RAPGEF1: variants seen among roughly 807,000 people sequenced by gnomAD.
RAPGEF1 encodes the protein CRK SH3-binding GNRP.
Under a neutral mutation model 143.3 loss-of-function variants are expected in RAPGEF1, and 33 were observed. The ratio of observed to expected loss-of-function variants is 0.23; its 90% CI spans 0.17 to 0.31. The LOEUF (loss-of-function observed/expected upper bound fraction) is 0.31, where lower values mean the gene tolerates loss of function less well. Among genes scored for constraint, RAPGEF1 ranks in the 10% least tolerant of loss-of-function variants. The pLI, the probability that RAPGEF1 is intolerant of heterozygous loss-of-function variation, is 1.00. For missense variants in RAPGEF1, 1,199 were observed against 1,645.4 expected (o/e 0.73, Z 4.69); for synonymous variants, 629 against 676.5 (o/e 0.93, Z 1.09).
At chr9:131,702,300 C>T (rs1420102216) in intron 1 of RAPGEF1, among the ~76,000 whole-genome samples, 1 of 152,158 alleles carries the variant, frequency 6.6e-6, no homozygotes, top group Non-Finnish European at 1.5e-5. Context: ...AGGCAGAAGA[C>T]AAAAAGTTGT....
At chr9:131,709,722 C>T (rs767692578) in intron 1 of RAPGEF1, 10 of 1,613,196 alleles carry the variant, frequency 6.2e-6, no homozygotes, top group Admixed American at 5.0e-5. Context: ...CCAGCCCCAG[C>T]GTCTTTCCGG....
intron 1 of RAPGEF1, among the ~76,000 whole-genome samples, chr9:131,738,928 C>CT (rs1837580209): frequency 6.6e-6 from 1 of 152,326 alleles, no homozygotes; most frequent in Non-Finnish European, 1.5e-5. Context: ...AGCTAACCTG[C>CT]TACCGGGGTT....
chr9:131,719,131 G>A (rs1836074197), intron 1 of RAPGEF1, among the ~76,000 whole-genome samples: 1 of 152,078 alleles, frequency 6.6e-6, no homozygotes, highest in Non-Finnish European at 1.5e-5. Flanking sequence ...ACGGTGCTTG[G>A]CAAAATTTTA....
At chr9:131,593,128 G>A (rs1398281366) in intron 17 of RAPGEF1, among the ~76,000 whole-genome samples, 1 of 152,272 alleles carries the variant, frequency 6.6e-6, no homozygotes, top group Non-Finnish European at 1.5e-5. Context: ...AAGAGGCACG[G>A]CTTGGGCCGG....
At chr9:131,669,069 A>C (rs575426822) in intron 1 of RAPGEF1, among the ~76,000 whole-genome samples, 53 of 152,316 alleles carry the variant, frequency 3.5e-4, no homozygotes, top group African/African-American at 1.2e-3. Context: ...TGGGGGCAGG[A>C]AGGCCTGTCT....
chr9:131,605,516 C>T (rs1193350320), intron 12 of RAPGEF1, among the ~76,000 whole-genome samples: 3 of 152,208 alleles, frequency 2.0e-5, no homozygotes, highest in Non-Finnish European at 4.4e-5. Flanking sequence ...GCTGTCTTGT[C>T]TGCTCAGGAA....
intron 10 of RAPGEF1, among the ~76,000 whole-genome samples, chr9:131,623,314 G>T (rs1434463939): frequency 2.0e-5 from 3 of 151,812 alleles, no homozygotes; most frequent in Non-Finnish European, 4.4e-5. Flanking sequence ...AAAAAGAAAA[G>T]AAAAAAATTA....
intron 10 of RAPGEF1, among the ~76,000 whole-genome samples, chr9:131,623,437 A>G (rs983741227): frequency 6.6e-6 from 1 of 152,170 alleles, no homozygotes; most frequent in East Asian, 1.9e-4. Flanking sequence ...AAAAAGATTA[A>G]ACACAACCAT....
chr9:131,623,556 T>C (rs181911280), intron 10 of RAPGEF1, among the ~76,000 whole-genome samples: 5 of 152,380 alleles, frequency 3.3e-5, no homozygotes, highest in African/African-American at 4.8e-5. Context: ...ACAGCAGTGA[T>C]GCTCCCAGCC....
chr9:131,586,212 ACG>A (rs1554801494), intron 22 of RAPGEF1, among the ~76,000 whole-genome samples: 1 of 142,284 alleles, frequency 7.0e-6, no homozygotes, highest in East Asian at 2.1e-4. Context: ...ACACACACGC[ACG>A]CACACACACA....
At chr9:131,706,522 G>A (rs1480592401) in intron 1 of RAPGEF1, among the ~76,000 whole-genome samples, 4 of 152,026 alleles carry the variant, frequency 2.6e-5, no homozygotes, top group African/African-American at 7.3e-5. Context: ...CGCCTGCCTC[G>A]GCCTCCCAAA....
rs1391190548 is a variant in RAPGEF1, at chr9:131,641,667, A to G, written c.494+1572T>C. ...AAACATGTTCTAAGAGGGAATCCAT[A>G]CATCTCGCTGTGGCATGACGTCAGC... On this transcript the variant is annotated intron_variant, in intron 4 of 26. Transcript: ENST00000683357. This position sits in a 1 kb window ranked among gnomAD's most constrained non-coding sequence, Gnocchi z 4.6. 6.6e-6 allele frequency among the ~76,000 whole-genome samples: 1 copy of G among 152,238 alleles called. No homozygotes were observed. Among genetic ancestry groups the G allele is most frequent in the Non-Finnish European group, 1.5e-5 (1 of 68,046 alleles).
chr9:131,660,684 C>T (rs868110015), intron 1 of RAPGEF1, among the ~76,000 whole-genome samples: 3 of 152,292 alleles, frequency 2.0e-5, no homozygotes, highest in Admixed American at 6.5e-5. Flanking sequence ...AAGCTGGATG[C>T]GACATAGTCA....
At chr9:131,729,128 T>A (rs1406234447) in intron 1 of RAPGEF1, among the ~76,000 whole-genome samples, 1 of 152,216 alleles carries the variant, frequency 6.6e-6, no homozygotes, top group Non-Finnish European at 1.5e-5. Flanking sequence ...AGTGCATCAG[T>A]GCAGGCCCAG....
intron 11 of RAPGEF1, 39 bp from the exon 12 acceptor site, chr9:131,619,245 A>T: frequency 7.7e-7 from 1 of 1,292,996 alleles, no homozygotes; most frequent in Non-Finnish European, 1.0e-6. Context: ...GCAGGGAAGG[A>T]GGGAGAGAAG....
chr9:131,697,375 G>A lies in RAPGEF1; in HGVS notation c.61+42395C>T, dbSNP rs547873187. ...AGAGCTTGAAAACATTTTCACTGAG[G>A]TCTTTGCTGAGATTGCAGACTCAGC... is the stretch of plus-strand genomic sequence containing the variant. On this transcript the variant is annotated intron_variant, in intron 1 of 26. Coordinates refer to ENST00000683357, the MANE Select transcript of RAPGEF1 (RefSeq NM_001377935.1). Among the ~76,000 whole-genome samples, 205 of 152,338 alleles carry A rather than the reference G, an allele frequency of 1.3e-3. 1 individual carries two copies. Among genetic ancestry groups the A allele is most frequent in the Admixed American group, 2.5e-3 (39 of 15,310 alleles).
intron 17 of RAPGEF1, among the ~76,000 whole-genome samples, chr9:131,595,063 G>T (rs1955010949): frequency 6.6e-6 from 1 of 152,248 alleles, no homozygotes; most frequent in African/African-American, 2.4e-5. Flanking sequence ...CCGCTGACAT[G>T]CGGGGCAGGT....
In RAPGEF1 at chr9:131,599,241, T is replaced by G. The variant is rs190845346; in HGVS notation, c.2502-931A>C. 6.4e-4 allele frequency among the ~76,000 whole-genome samples: 97 copies of G among 151,958 alleles called. 3 individuals are homozygous for G. In the East Asian group the frequency reaches 0.015, roughly 23 times the overall value. On this transcript the variant is annotated intron_variant, in intron 15 of 26. Transcript: ENST00000683357. ...CTGGGCTCAAGCCATCCTCCCACCT[T>G]AGTCTCCCAAGTAGCGAGGACTACA...
At chr9:131,598,533 A>T (rs907144378) in intron 15 of RAPGEF1, 5 of 680,612 alleles carry the variant, frequency 7.3e-6, no homozygotes, top group African/African-American at 7.1e-5. Flanking sequence ...CTGTACACGG[A>T]AGTGATTCCG....
Sources: gnomAD v4.1 joint callset for allele counts (sites outside exome capture counted in the v4.1 genomes callset) on GRCh38, gnomAD v4.1.1 for gene constraint, Gnocchi (gnomAD v3.1) non-coding constraint, MANE v1.5 for transcripts, NCBI Gene and HGNC (gene_info 2026-07-23, HGNC 2026-07-21) for gene names.